CDH23: variants seen among roughly 807,000 people sequenced by gnomAD.
CDH23 encodes cadherin-23.
Under a neutral mutation model 317.1 loss-of-function variants are expected in CDH23, and 189 were observed. The ratio of observed to expected loss-of-function variants is 0.60; its 90% CI spans 0.53 to 0.67. CDH23 has a LOEUF of 0.67. Among genes scored for constraint, CDH23 ranks in the 30% least tolerant of loss-of-function variants. The pLI is 0.00. For missense variants in CDH23, 4,401 were observed against 4,592.4 expected (o/e 0.96, Z 1.20); for synonymous variants, 1,839 against 1,876.8 (o/e 0.98, Z 0.52).
In CDH23 at chr10:71,528,025, CTT is replaced by C. The variant is rs142240944; in HGVS notation, c.429+16815_429+16816del. ...CCCATCTGTGCAGTGGGGTTAGTAACTTTGACTCTGGCTAGCTTCCCGGCTGG... is the reference window on the plus strand; with the variant it reads ...CCCATCTGTGCAGTGGGGTTAGTAACTGACTCTGGCTAGCTTCCCGGCTGG... On this transcript the variant is annotated intron_variant, in intron 6 of 69. Coordinates refer to ENST00000224721, the MANE Select transcript of CDH23 (RefSeq NM_022124.6). Among the ~76,000 whole-genome samples the C allele has an allele frequency of 8.5e-3, 1,300 of 152,274 alleles. 21 individuals are homozygous for C. Among genetic ancestry groups the C allele is most frequent in the African/African-American group, 0.03 (1,244 of 41,546 alleles).
intron 9 of CDH23, among the ~76,000 whole-genome samples, chr10:71,611,314 C>T (rs1860877603): frequency 6.6e-6 from 1 of 152,156 alleles, no homozygotes; most frequent in Non-Finnish European, 1.5e-5. Flanking sequence ...GGGTTCAGGG[C>T]CCTGTGTGTG....
intron 7 of CDH23, among the ~76,000 whole-genome samples, chr10:71,568,052 A>T (rs1421171242): frequency 6.6e-6 from 1 of 152,194 alleles, no homozygotes; most frequent in African/African-American, 2.4e-5. Flanking sequence ...GTTTTGAAAG[A>T]TGGGGTGCCC....
intron 38 of CDH23, chr10:71,755,312 A>G (rs781619285): frequency 4.0e-5 from 61 of 1,510,018 alleles, no homozygotes; most frequent in Non-Finnish European, 5.1e-5. Flanking sequence ...GGGCTGGAGC[A>G]GGTCACTCGC....
intron 9 of CDH23, among the ~76,000 whole-genome samples, chr10:71,603,594 C>T (rs1042509724): frequency 3.9e-5 from 6 of 152,264 alleles, no homozygotes; most frequent in East Asian, 1.9e-4. Context: ...CGGAGGTAAC[C>T]GGGTGCCAAG....
intron 9 of CDH23, among the ~76,000 whole-genome samples, chr10:71,610,952 A>T (rs1860843050): frequency 6.6e-6 from 1 of 150,406 alleles, no homozygotes. Context: ...CCTACCAGAT[A>T]CTCCCCGACC....
At chr10:71,602,887 C>G (rs1860311793) in intron 9 of CDH23, among the ~76,000 whole-genome samples, 1 of 152,198 alleles carries the variant, frequency 6.6e-6, no homozygotes, top group South Asian at 2.1e-4. Flanking sequence ...TCAGAATGTC[C>G]ACAAGCCCCA....
intron 6 of CDH23, among the ~76,000 whole-genome samples, chr10:71,521,926 G>A (rs1001681136): frequency 4.6e-5 from 7 of 152,158 alleles, no homozygotes; most frequent in South Asian, 2.1e-4. Context: ...AGGGGCGGTC[G>A]CCTGCCTGTG....
chr10:71,548,194 C>A (rs935145972), intron 6 of CDH23, among the ~76,000 whole-genome samples: 17 of 152,212 alleles, frequency 1.1e-4, no homozygotes, highest in African/African-American at 4.1e-4. Flanking sequence ...CCTGCGGGGG[C>A]CTGCTGCACG....
rs1231456588 is a variant in CDH23, at chr10:71,403,386, T to C, written c.-6+6068T>C. On this transcript the variant is annotated intron_variant, in intron 1 of 69. Coordinates refer to ENST00000224721, the MANE Select transcript of CDH23 (RefSeq NM_022124.6). ...TTCTTTCTTTCTTTCTTTCTTTCTT[T>C]CTTTCTTTCTTTCTTTCTTTCTCTT... Among the ~76,000 whole-genome samples the C allele has an allele frequency of 5.0e-3, 591 of 118,504 alleles. 26 individuals carry two copies. The highest frequency in any genetic ancestry group is 0.016 in the Middle Eastern group (4 of 250). The allele number at this position is 118,504 out of a possible 152,430, so 77.7% of individuals were successfully genotyped here. A position where few individuals can be genotyped will look rare whatever the true frequency, so the allele number is the denominator to read the frequency against.
chr10:71,791,711 G>A (rs1253102931), intron 47 of CDH23, among the ~76,000 whole-genome samples: 3 of 151,814 alleles, frequency 2.0e-5, no homozygotes, highest in Admixed American at 6.6e-5. Flanking sequence ...GAGTAGCTGG[G>A]ATTACAGGCG....
intron 6 of CDH23, among the ~76,000 whole-genome samples, chr10:71,558,288 C>A (rs1430649988): frequency 6.6e-6 from 1 of 152,196 alleles, no homozygotes; most frequent in Non-Finnish European, 1.5e-5. Context: ...GCATGAGCCA[C>A]CATGCCTGGC....
chr10:71,670,403 T>A (rs562106411), intron 14 of CDH23, among the ~76,000 whole-genome samples: 1 of 152,316 alleles, frequency 6.6e-6, no homozygotes, highest in East Asian at 1.9e-4. Context: ...CAAACTTCTC[T>A]CCTTCACAGG....
At chr10:71,676,615 A>T (rs1864382354) in intron 15 of CDH23, among the ~76,000 whole-genome samples, 1 of 152,176 alleles carries the variant, frequency 6.6e-6, no homozygotes, top group Non-Finnish European at 1.5e-5. Flanking sequence ...TGACACAGTG[A>T]AACCCTATCT....
intron 9 of CDH23, among the ~76,000 whole-genome samples, chr10:71,605,985 G>A (rs113668352): frequency 6.6e-6 from 1 of 152,188 alleles, no homozygotes; most frequent in Non-Finnish European, 1.5e-5. Context: ...AGGACCAGGG[G>A]CCGCCTCTCT....
At chr10:71,510,914 C>A (rs753125994) in intron 4 of CDH23, 40 bp from the exon 5 acceptor site, 2 of 1,611,362 alleles carry the variant, frequency 1.2e-6, no homozygotes, top group East Asian at 4.5e-5. Context: ...GACCTCAGCA[C>A]CGCCTAACTG....
intron 11 of CDH23, among the ~76,000 whole-genome samples, chr10:71,626,316 C>T (rs1417570977): frequency 6.6e-6 from 1 of 152,164 alleles, no homozygotes; most frequent in East Asian, 1.9e-4. Flanking sequence ...CCCACTCGGG[C>T]CTTTACTGCA....
intron 3 of CDH23, among the ~76,000 whole-genome samples, chr10:71,505,045 G>A (rs186323439): frequency 6.6e-6 from 1 of 152,170 alleles, no homozygotes; most frequent in African/African-American, 2.4e-5. Context: ...CCAATGTACC[G>A]TCTTAAACAT....
chr10:71,596,281 ATATCCC>A (rs1347069663), intron 9 of CDH23, among the ~76,000 whole-genome samples: 1 of 152,170 alleles, frequency 6.6e-6, no homozygotes, highest in East Asian at 1.9e-4. Flanking sequence ...AGCACTATCA[ATATCCC>A]CATTTCACAG....
At chr10:71,564,500 A>G (rs1235806955) in intron 6 of CDH23, among the ~76,000 whole-genome samples, 1 of 152,208 alleles carries the variant, frequency 6.6e-6, no homozygotes, top group Admixed American at 6.5e-5. Flanking sequence ...AGACGTGGAG[A>G]CCATCACTTC....
Sources: allele counts gnomAD v4.1 joint callset (sites outside exome capture counted in the v4.1 genomes callset), GRCh38; gene constraint gnomAD v4.1.1; transcripts MANE v1.5; gene names NCBI Gene and HGNC (gene_info 2026-07-23, HGNC 2026-07-21).